PCSK4: variants seen among roughly 807,000 people sequenced by gnomAD.
PCSK4 encodes the protein testicular tissue protein Li 135.
In PCSK4, 64 loss-of-function variants were observed where a neutral mutation model predicts 80.3. That is an observed-to-expected ratio of 0.80 (90% CI 0.65 to 0.98). The LOEUF (loss-of-function observed/expected upper bound fraction) is 0.98. Among genes scored for constraint, PCSK4 ranks in the 50% least tolerant of loss-of-function variants. The pLI, the probability that PCSK4 is intolerant of heterozygous loss-of-function variation, is 0.00. For missense variants in PCSK4, 1,213 were observed against 1,093.6 expected (o/e 1.11, Z -1.54); for synonymous variants, 561 against 487.6 (o/e 1.15, Z -1.98).
At chr19:1,481,578 AGAG>A (rs995981484) in exon 15 of PCSK4, 125 of 481,242 alleles carry the variant, frequency 2.6e-4, no homozygotes, top group African/African-American at 2.2e-3. Flanking sequence ...CCCAAAATGC[AGAG>A]GAGACTTCTC....
At chr19:1,490,058 A>G in intron 1 of PCSK4, 100 bp downstream of exon 1, 1 of 1,530,606 alleles carries the variant, frequency 6.5e-7, no homozygotes, top group Non-Finnish European at 8.8e-7. Context: ...GGGACTCTTG[A>G]TATTTAGAAG....
chr19:1,481,948 G>A (rs761974505), exon 15 of PCSK4: 1 of 1,597,216 alleles, frequency 6.3e-7, no homozygotes, highest in Non-Finnish European at 8.5e-7. Flanking sequence ...CTCTAAGCCG[G>A]GGGCGGCTGT....
chr19:1,482,168 A>G (rs749361085), exon 15 of PCSK4: 1 of 1,558,334 alleles, frequency 6.4e-7, no homozygotes, highest in South Asian at 1.2e-5. Flanking sequence ...GCAGTAGGCC[A>G]GGCAGAGCTG....
chr19:1,488,042 C>T, exon 4 of PCSK4: 1 of 1,613,354 alleles, frequency 6.2e-7, no homozygotes, highest in Admixed American at 1.7e-5. Context: ...GGCCTGACAG[C>T]CCCTGACTCC....
exon 3 of PCSK4, chr19:1,488,214 G>A: frequency 6.2e-7 from 1 of 1,613,538 alleles, no homozygotes; most frequent in South Asian, 1.1e-5. Context: ...GAGAACCAGG[G>A]GTCCGTGGGC....
upstream of PCSK4, chr19:1,490,469 G>C: frequency 1.9e-6 from 1 of 535,428 alleles, no homozygotes; most frequent in Non-Finnish European, 3.3e-6. Flanking sequence ...CTCCCAGGGG[G>C]CCTTGCGGCT....
intron 1 of PCSK4, 71 bp from the exon 2 acceptor site, chr19:1,489,968 C>G (rs1276135631): frequency 6.5e-7 from 1 of 1,542,472 alleles, no homozygotes; most frequent in Admixed American, 2.0e-5. Flanking sequence ...GGGCCGGTAA[C>G]AGCCCCCTTC....
At chr19:1,488,147 G>C (rs1299397549) in intron 3 of PCSK4, 41 bp downstream of exon 3, 1 of 1,613,244 alleles carries the variant, frequency 6.2e-7, no homozygotes, top group South Asian at 1.1e-5. Flanking sequence ...GAGGGCGCCA[G>C]CGGCCCCGTC....
At chr19:1,482,997 C>G (rs1369039588) in exon 13 of PCSK4, 1 of 1,591,120 alleles carries the variant, frequency 6.3e-7, no homozygotes, top group Admixed American at 1.7e-5. Context: ...GTTGTTGTAG[C>G]CTTCAGTGCT....
At chr19:1,482,963 G>T in exon 13 of PCSK4, 3 of 1,468,008 alleles carry the variant, frequency 2.0e-6, no homozygotes, top group South Asian at 1.1e-5. Flanking sequence ...TCTCATCCCA[G>T]AAGTGGGTGG....
At chr19:1,490,389 C>T (rs1599260412) in exon 1 of PCSK4, 4 of 751,740 alleles carry the variant, frequency 5.3e-6, no homozygotes, top group South Asian at 1.9e-5. Context: ...CCCCTCCCTC[C>T]CGCCAAACCG....
At chr19:1,481,955 C>T in exon 15 of PCSK4, 2 of 1,594,538 alleles carry the variant, frequency 1.3e-6, no homozygotes, top group Non-Finnish European at 1.7e-6. Flanking sequence ...CCGGGGGCGG[C>T]TGTCGGGGGT....
At chr19:1,483,611 C>A (rs1304148980) in intron 11 of PCSK4, 39 bp downstream of exon 11, 2 of 1,512,836 alleles carry the variant, frequency 1.3e-6, no homozygotes, top group Non-Finnish European at 1.8e-6. Flanking sequence ...TCCCCCACAC[C>A]CCCAGCGGGG....
In PCSK4 at chr19:1,490,160, GC is replaced by G. The variant is rs780301806; in HGVS notation, c.186del (p.Pro63ArgfsTer21). ...CCGTCTATCCCGGTCCCACCCACCG[GC>G]CCCAGGTTGACGAAGCCGAATTTGC... On this transcript the variant is annotated frameshift_variant, in exon 1 of 15. Coordinates refer to ENST00000300954, the Ensembl canonical transcript of PCSK4. LOFTEE classifies it high-confidence loss of function. 2 of 1,613,464 alleles carry G rather than the reference GC, an allele frequency of 1.2e-6. No homozygotes were observed. Among genetic ancestry groups the G allele is most frequent in the Non-Finnish European group, 1.7e-6 (2 of 1,179,946 alleles).
chr19:1,483,748 G>A (rs780373982), exon 11 of PCSK4: 7 of 1,590,982 alleles, frequency 4.4e-6, no homozygotes, highest in South Asian at 1.1e-5. Flanking sequence ...CCAGCAGCCC[G>A]TATCCGTAGT....
intron 9 of PCSK4, 26 bp from the exon 10 acceptor site, chr19:1,483,967 GTGAGCC>G: frequency 3.6e-6 from 5 of 1,375,708 alleles, no homozygotes; most frequent in Non-Finnish European, 4.8e-6. Flanking sequence ...GCGGGGGCGG[GTGAGCC>G]GCCGGGCCGC....
chr19:1,490,280 C>T (rs764289835), exon 1 of PCSK4: 3 of 1,596,388 alleles, frequency 1.9e-6, no homozygotes, highest in Admixed American at 1.7e-5. Flanking sequence ...CACCCCACAG[C>T]CCGGGGGCGG....
In PCSK4 at chr19:1,482,956, C is replaced by T. The variant is rs772832448; in HGVS notation, c.1636G>A (p.Glu546Lys). Residue 546 changes from glutamate to lysine, a missense_variant, in exon 13 of 15, where the codon GAG becomes AAG. Glu to Lys is a moderately conservative substitution (Grantham distance 56, BLOSUM62 1). Coordinates refer to ENST00000300954, the Ensembl canonical transcript of PCSK4. The stretch of plus-strand genomic sequence containing the variant: ...AGGGTCCACACGCCCTGTGGGTTCT[C>T]ATCCCAGAAGTGGGTGGACATGAAG... 3.8e-6 allele frequency: 6 copies of T among 1,591,256 alleles called. No homozygotes were observed. Among genetic ancestry groups the T allele is most frequent in the Non-Finnish European group, 5.1e-6 (6 of 1,165,748 alleles).
At chr19:1,485,147 CA>C (rs1228985166) in intron 8 of PCSK4, among the ~76,000 whole-genome samples, 2 of 150,056 alleles carry the variant, frequency 1.3e-5, no homozygotes, top group Non-Finnish European at 1.5e-5. Flanking sequence ...GACTCTGTCT[CA>C]AAAAAATTTA....
Sources: allele counts gnomAD v4.1 joint callset (sites outside exome capture counted in the v4.1 genomes callset), GRCh38; gene constraint gnomAD v4.1.1; transcripts MANE v1.5; gene names NCBI Gene and HGNC (gene_info 2026-07-23, HGNC 2026-07-21).